COL14A1: variants seen among roughly 807,000 people sequenced by gnomAD.
COL14A1 encodes collagen type XIV alpha 1 chain.
COL14A1 carries 136 observed loss-of-function variants against 230.3 expected under a neutral mutation model. The ratio of observed to expected loss-of-function variants is 0.59; its 90% CI spans 0.51 to 0.68. The LOEUF (loss-of-function observed/expected upper bound fraction) is 0.68. Ranked by LOEUF, COL14A1 falls within the 30% of genes least tolerant of loss-of-function variation. The probability of loss-of-function intolerance (pLI) is 0.00; values close to 1 mark genes in which losing one functional copy is unlikely to be tolerated. For missense variants in COL14A1, 1,976 were observed against 2,215.8 expected (o/e 0.89, Z 2.17); for synonymous variants, 792 against 784.1 (o/e 1.01, Z -0.17).
In COL14A1 at chr8:120,196,551, A is replaced by G. The variant is rs1455404763; in HGVS notation, c.437-240A>G. On this transcript the variant is annotated intron_variant, in intron 5 of 47. Transcript: ENST00000297848. ...AAAATACACAGAAGGCTGAGTTGTC[A>G]GGATGGTGTGAACCTGCCCAGTATT... Among the ~76,000 whole-genome samples the G allele has an allele frequency of 5.3e-5, 8 of 152,332 alleles. No homozygotes were observed. In the South Asian group the frequency reaches 1.2e-3, roughly 24 times the overall value.
chr8:120,294,285 T>G (rs1417949282), intron 34 of COL14A1, among the ~76,000 whole-genome samples: 2 of 151,822 alleles, frequency 1.3e-5, no homozygotes, highest in Non-Finnish European at 3.0e-5. Flanking sequence ...ATTTTCCTGC[T>G]AACATTTGAC....
chr8:120,237,535 T>G (rs896669881), intron 19 of COL14A1, among the ~76,000 whole-genome samples: 11 of 152,204 alleles, frequency 7.2e-5, no homozygotes, highest in African/African-American at 2.7e-4. Flanking sequence ...GGTTCTTAGC[T>G]TCCTTGCATT....
At chr8:120,345,973 C>T (rs1386875557) in intron 45 of COL14A1, among the ~76,000 whole-genome samples, 1 of 152,218 alleles carries the variant, frequency 6.6e-6, no homozygotes, top group African/African-American at 2.4e-5. Context: ...TGGTGATTTG[C>T]TGGTGCTTTA....
At chr8:120,251,351 C>T (rs889225056) in intron 22 of COL14A1, among the ~76,000 whole-genome samples, 7 of 152,104 alleles carry the variant, frequency 4.6e-5, no homozygotes, top group African/African-American at 1.4e-4. Context: ...GCCTGTAGCC[C>T]GAGATGGCCA....
At chr8:120,370,984 A>T in intron 47 of COL14A1, 168 bp from the exon 48 acceptor site, 1 of 1,068,030 alleles carries the variant, frequency 9.4e-7, no homozygotes, top group Middle Eastern at 2.5e-4. Context: ...CTATTTACTA[A>T]CTGTCTGAAA....
chr8:120,216,533 G>A, intron 14 of COL14A1, 43 bp downstream of exon 14: 1 of 1,579,228 alleles, frequency 6.3e-7, no homozygotes, highest in Non-Finnish European at 8.6e-7. Flanking sequence ...GTAGTGGCGT[G>A]CTAGTTATTT....
chr8:120,356,262 A>G (rs901999273), intron 45 of COL14A1, among the ~76,000 whole-genome samples: 16 of 152,238 alleles, frequency 1.1e-4, no homozygotes, highest in African/African-American at 3.9e-4. Flanking sequence ...TTATGAGATC[A>G]GGATTAGTTC....
intron 23 of COL14A1, among the ~76,000 whole-genome samples, chr8:120,257,402 A>G (rs1236266020): frequency 6.6e-6 from 1 of 152,242 alleles, no homozygotes; most frequent in Non-Finnish European, 1.5e-5. Flanking sequence ...TCAACTGGAC[A>G]GCAAAAGATT....
At chr8:120,349,950 T>A (rs1822684700) in intron 45 of COL14A1, among the ~76,000 whole-genome samples, 2 of 141,606 alleles carry the variant, frequency 1.4e-5, no homozygotes, top group African/African-American at 5.6e-5. Flanking sequence ...TCACCAAAGT[T>A]GAAATGAAGG....
chr8:120,283,294 T>C (rs960765793), intron 31 of COL14A1, among the ~76,000 whole-genome samples: 6 of 152,168 alleles, frequency 3.9e-5, no homozygotes, highest in African/African-American at 1.4e-4. Flanking sequence ...ATGAAAACCT[T>C]TGACACTACT....
At chr8:120,258,594 G>A (rs1284276109) in intron 23 of COL14A1, among the ~76,000 whole-genome samples, 1 of 151,818 alleles carries the variant, frequency 6.6e-6, no homozygotes, top group East Asian at 1.9e-4. Flanking sequence ...AAAAGCAACA[G>A]ATGTCCTTTA....
At chr8:120,154,599 A>G (rs1815400225) in intron 2 of COL14A1, among the ~76,000 whole-genome samples, 1 of 152,006 alleles carries the variant, frequency 6.6e-6, no homozygotes, top group South Asian at 2.1e-4. Flanking sequence ...GTGCAATCTC[A>G]TCTTTTACAC....
chr8:120,162,372 G>A (rs1815707257), intron 3 of COL14A1, 54 bp from the exon 4 acceptor site: 1 of 1,460,438 alleles, frequency 6.8e-7, no homozygotes, highest in Admixed American at 2.3e-5. Context: ...GTTTCTTAAT[G>A]TACACAGTGG....
At position 120,300,735 on chromosome 8, in the gene COL14A1, G is replaced by T; in HGVS notation, c.4318G>T (p.Asp1440Tyr). ...TGCTTTTTTTGTTTCTTTTCAGAGA[G>T]ATGATGAGTCTTGCCCAGACCTTCC... ...DKCCELPGLR[D>Y]DESCPDLPHS... is the part of the protein sequence containing the mutation. The change falls in exon 36 of 48, where the codon GAT becomes TAT. Residue 1440 changes from aspartate (D) to tyrosine (Y), a missense_variant. Physicochemically the swap from Asp to Tyr is radical, Grantham distance 160. Coordinates refer to ENST00000297848, the MANE Select transcript of COL14A1 (RefSeq NM_021110.4). 1 of 1,612,584 alleles carries T rather than the reference G, an allele frequency of 6.2e-7. No individual in the cohort carries two copies. Among genetic ancestry groups the T allele is most frequent in the Non-Finnish European group, 8.5e-7 (1 of 1,179,150 alleles).
chr8:120,279,231 G>A (rs1001476431), intron 28 of COL14A1, among the ~76,000 whole-genome samples: 2 of 152,026 alleles, frequency 1.3e-5, no homozygotes, highest in Admixed American at 6.6e-5. Flanking sequence ...CAGGTTGATA[G>A]GTGCAGTAAA....
chr8:120,350,910 C>T (rs1822738288), intron 45 of COL14A1, among the ~76,000 whole-genome samples: 1 of 150,820 alleles, frequency 6.6e-6, no homozygotes, highest in Non-Finnish European at 1.5e-5. Flanking sequence ...ACAGAACTCT[C>T]CACCCCAAAT....
chr8:120,279,345 T>C (rs1380078859), intron 28 of COL14A1, among the ~76,000 whole-genome samples: 3 of 150,036 alleles, frequency 2.0e-5, no homozygotes, highest in Admixed American at 2.0e-4. Context: ...ATTGATTGAA[T>C]GTATATATAT....
intron 1 of COL14A1, among the ~76,000 whole-genome samples, chr8:120,134,085 A>C (rs1035465025): frequency 6.6e-6 from 1 of 152,052 alleles, no homozygotes; most frequent in Non-Finnish European, 1.5e-5. Context: ...AGTGCTCATG[A>C]AGAAATGAAG....
intron 2 of COL14A1, among the ~76,000 whole-genome samples, chr8:120,157,041 G>A (rs1815503312): frequency 6.6e-6 from 1 of 152,194 alleles, no homozygotes; most frequent in Admixed American, 6.5e-5. Flanking sequence ...TAGAGAGTAT[G>A]TAATAAAAAC....
Sources: gnomAD v4.1 joint callset for allele counts (sites outside exome capture counted in the v4.1 genomes callset) on GRCh38, gnomAD v4.1.1 for gene constraint, MANE v1.5 for transcripts, NCBI Gene and HGNC (gene_info 2026-07-23, HGNC 2026-07-21) for gene names.